Variants in PCMTD1 observed in about 807,000 individuals in gnomAD.
PCMTD1 encodes the protein protein-L-isoaspartate O-methyltransferase domain-containing protein 1.
Under a neutral mutation model 37.6 loss-of-function variants are expected in PCMTD1, and 12 were observed. The ratio of observed to expected loss-of-function variants is 0.32; its 90% CI spans 0.20 to 0.52. PCMTD1 has a LOEUF of 0.52. PCMTD1 is among the 20% of genes least tolerant of loss of function. The pLI, the probability that PCMTD1 is intolerant of heterozygous loss-of-function variation, is 0.97. For missense variants in PCMTD1, 235 were observed against 421.3 expected, an observed-to-expected ratio of 0.56 and a Z score of 3.87; for synonymous variants, 117 against 135.8, an observed-to-expected ratio of 0.86 and a Z score of 0.96.
At position 51,898,948 on chromosome 8, in the gene PCMTD1, C is replaced by T; in HGVS notation, c.-114G>A. 7.1e-7 allele frequency: 1 copy of T among 1,418,432 alleles called. No homozygotes were observed. The highest frequency in any genetic ancestry group is 9.2e-7 in the Non-Finnish European group (1 of 1,087,084). The allele number at this position is 1,418,432 out of a possible 1,614,324, so 87.9% of individuals were successfully genotyped here. On this transcript the variant is annotated 5_prime_UTR_variant, in exon 1 of 6. Transcript: ENST00000522514. ...GCGTTACCTGTGGCGCGGGCAGCGG[C>T]GCGCAGGCCAGGCGCTAGGACTCGG...
At chr8:51,868,651 T>C (rs1279638838) in intron 1 of PCMTD1, among the ~76,000 whole-genome samples, 4 of 152,110 alleles carry the variant, frequency 2.6e-5, no homozygotes, top group Non-Finnish European at 5.9e-5. Flanking sequence ...TAAGACAGTC[T>C]AGGGCAGAAA....
At position 51,825,461 on chromosome 8, in the gene PCMTD1, G is replaced by A. The variant is rs530871932; in HGVS notation, c.707-4743C>T. On this transcript the variant is annotated intron_variant, in intron 5 of 5. Transcript: ENST00000522514. ...TGTAATCCCAGCACTTTGGGAGGCCGAGGCGGGTGGATCATGAGGTCAGGA... is the reference window on the plus strand; with the variant it reads ...TGTAATCCCAGCACTTTGGGAGGCCAAGGCGGGTGGATCATGAGGTCAGGA... Among the ~76,000 whole-genome samples the A allele has an allele frequency of 9.1e-4, 39 of 42,648 alleles. 17 individuals carry two copies. The highest frequency in any genetic ancestry group is 5.3e-3 in the Non-Finnish European group (29 of 5,490). The allele number at this position is 42,648 out of a possible 152,430, so 28.0% of individuals were successfully genotyped here. A position where few individuals can be genotyped will look rare whatever the true frequency, so the allele number is the denominator to read the frequency against.
intron 1 of PCMTD1, among the ~76,000 whole-genome samples, chr8:51,874,695 T>C (rs956104994): frequency 5.3e-5 from 8 of 152,238 alleles, no homozygotes; most frequent in Non-Finnish European, 8.8e-5. Context: ...TGCTCTCAAA[T>C]GCTCTTTAAA....
intron 1 of PCMTD1, 99 bp downstream of exon 1, chr8:51,898,831 G>A (rs1242593480): frequency 8.8e-7 from 1 of 1,142,592 alleles, no homozygotes; most frequent in African/African-American, 1.6e-5. Context: ...CGTCCCCCTG[G>A]CCCTCTGGCC....
chr8:51,861,110 T>G lies in PCMTD1; in HGVS notation c.42A>C (p.Leu14Phe), dbSNP rs1243363734. ...ACTGAGCTTCTTTTAAATTATCAAT[T>G]AAGTCATCATTATCTTCCCCAGCAC... ...AVSAGEDNDD[L>F]IDNLKEAQYI... Residue 14 changes from leucine to phenylalanine, a missense_variant, in exon 2 of 6, where the codon TTA becomes TTC. By Grantham distance (22) the Leu-to-Phe change is conservative (BLOSUM62 0). Around this residue, in one of 3 missense-constraint regions of PCMTD1, gnomAD observed 183 missense variants for 349.3 expected, o/e 0.52. Transcript: ENST00000522514. The G allele has an allele frequency of 6.2e-7, 1 of 1,614,060 alleles. No homozygotes were observed.
intron 3 of PCMTD1, among the ~76,000 whole-genome samples, chr8:51,838,951 T>TA (rs777917442): frequency 2.0e-5 from 3 of 152,170 alleles, no homozygotes; most frequent in Non-Finnish European, 4.4e-5. Context: ...AAAAGTCTAC[T>TA]AAAATGATAC....
At chr8:51,884,129 T>C (rs1042365482) in intron 1 of PCMTD1, among the ~76,000 whole-genome samples, 3 of 152,194 alleles carry the variant, frequency 2.0e-5, no homozygotes, top group Admixed American at 1.3e-4. Context: ...GGTGTGTTGC[T>C]GTCTGCTGAA....
At chr8:51,895,974 C>G (rs1163017436) in intron 1 of PCMTD1, 3 of 109,962 alleles carry the variant, frequency 2.7e-5, no homozygotes, top group African/African-American at 3.5e-5. Context: ...GAGACAGAGT[C>G]TCACTCTTTT....
Position 51,861,200 on chromosome 8 carries a change from A to G in PCMTD1, c.-49T>C. 4 of 1,524,822 alleles carry G rather than the reference A, an allele frequency of 2.6e-6. No individual in the cohort carries two copies. Among genetic ancestry groups the G allele is most frequent in the Non-Finnish European group, 3.5e-6 (4 of 1,135,158 alleles). The allele number at this position is 1,524,822 out of a possible 1,614,324, so 94.5% of individuals were successfully genotyped here. On this transcript the variant is annotated 5_prime_UTR_variant, in exon 2 of 6. Transcript: ENST00000522514. ...AATTTAAAAGTGAAATAAAATTAGT[A>G]GAAATGGCTTCCAATATTGCACTTG...
intron 3 of PCMTD1, among the ~76,000 whole-genome samples, chr8:51,836,584 TA>T (rs1397208152): frequency 6.6e-6 from 1 of 151,840 alleles, no homozygotes; most frequent in African/African-American, 2.4e-5. Context: ...TGAACTAAAT[TA>T]AAAAAAAGAA....
intron 1 of PCMTD1, among the ~76,000 whole-genome samples, chr8:51,897,544 C>G (rs2039023045): frequency 6.6e-6 from 1 of 152,068 alleles, no homozygotes; most frequent in African/African-American, 2.4e-5. Context: ...AAAAAGTAAA[C>G]TAATTCAGCA....
intron 1 of PCMTD1, among the ~76,000 whole-genome samples, chr8:51,875,732 C>T (rs2038701922): frequency 6.6e-6 from 1 of 152,106 alleles, no homozygotes; most frequent in South Asian, 2.1e-4. Flanking sequence ...GAGTTTGAGA[C>T]CAACGTGGGC....
At chr8:51,860,652 T>C (rs2038458391) in intron 2 of PCMTD1, 193 bp downstream of exon 2, 2 of 524,454 alleles carry the variant, frequency 3.8e-6, no homozygotes, top group Non-Finnish European at 3.3e-6. Flanking sequence ...AGAGCTACTG[T>C]AGGTTGAGGT....
chr8:51,831,643 T>C (rs1158102039), intron 4 of PCMTD1, 76 bp from the exon 5 acceptor site: 6 of 1,459,460 alleles, frequency 4.1e-6, no homozygotes, highest in East Asian at 4.7e-5. Flanking sequence ...CAAAACTTTG[T>C]TTTAAGGGAA....
intron 1 of PCMTD1, among the ~76,000 whole-genome samples, chr8:51,876,131 C>T (rs369530459): frequency 3.5e-5 from 1 of 28,396 alleles, no homozygotes; most frequent in African/African-American, 4.0e-5. Context: ...CTTCCATAAA[C>T]AAACATATTA....
intron 1 of PCMTD1, among the ~76,000 whole-genome samples, chr8:51,869,593 C>T (rs1243772044): frequency 1.3e-5 from 2 of 152,058 alleles, no homozygotes; most frequent in Non-Finnish European, 2.9e-5. Context: ...TACTGCCTCA[C>T]TCCTGCCATT....
rs370600235 is a variant in PCMTD1 at position 51,820,196 on chromosome 8, A to C, written c.*155T>G. The C allele has an allele frequency of 8.6e-6, 5 of 578,906 alleles. No individual in the cohort carries two copies. Among genetic ancestry groups the C allele is most frequent in the Non-Finnish European group, 1.4e-5 (5 of 363,820 alleles). The allele number at this position is 578,906 out of a possible 1,614,324, so 35.9% of individuals were successfully genotyped here. On this transcript the variant is annotated 3_prime_UTR_variant, in exon 6 of 6. Coordinates refer to ENST00000522514, the MANE Select transcript of PCMTD1 (RefSeq NM_052937.4). ...ATAAAAGGGATTCTTTTATTCACTG[A>C]ATACATCATTTGTGTTACTGACAGA...
chr8:51,824,405 GACAA>G (rs777216995), intron 5 of PCMTD1, among the ~76,000 whole-genome samples: 2 of 152,096 alleles, frequency 1.3e-5, no homozygotes, highest in Non-Finnish European at 2.9e-5. Flanking sequence ...ATCAATAACA[GACAA>G]ACAGAAAGCC....
At chr8:51,841,320 T>C (rs1367690938) in intron 3 of PCMTD1, among the ~76,000 whole-genome samples, 1 of 152,198 alleles carries the variant, frequency 6.6e-6, no homozygotes, top group Non-Finnish European at 1.5e-5. Context: ...CTCATTTATA[T>C]GGCAAACTAT....
Sources: allele counts gnomAD v4.1 joint callset (sites outside exome capture counted in the v4.1 genomes callset), GRCh38; gene constraint gnomAD v4.1.1; regional missense constraint gnomAD v4.1.1; transcripts MANE v1.5; gene names NCBI Gene and HGNC (gene_info 2026-07-23, HGNC 2026-07-21).